Variants in EXOC4 observed in about 807,000 individuals in gnomAD.
The protein encoded by EXOC4 is SEC8-like 1.
EXOC4 carries 71 observed loss-of-function variants against 107.2 expected under a neutral mutation model. The observed-to-expected ratio is 0.66, with a 90% CI of 0.55 to 0.81. EXOC4 has a LOEUF of 0.81. Among genes scored for constraint, EXOC4 ranks in the 30% least tolerant of loss-of-function variants. The pLI, the probability that EXOC4 is intolerant of heterozygous loss-of-function variation, is 0.00. For synonymous variants in EXOC4, 456 were observed against 441.2 expected (o/e 1.03, Z -0.42); for missense variants, 1,108 against 1,189.6 (o/e 0.93, Z 1.01).
chr7:134,100,109 T>C, the EXOC4 span, among the ~76,000 whole-genome samples: 1 of 152,166 alleles, frequency 6.6e-6, no homozygotes, highest in Non-Finnish European at 1.5e-5. Flanking sequence ...TTTTTCTTGC[T>C]GATATGTCTT....
intron 10 of EXOC4, among the ~76,000 whole-genome samples, chr7:133,671,159 G>A (rs1023922272): frequency 6.6e-6 from 1 of 152,202 alleles, no homozygotes; most frequent in African/African-American, 2.4e-5. Context: ...GCAAGATTAT[G>A]AAAGGTCATG....
At chr7:134,009,125 A>T (rs1794711295) in intron 17 of EXOC4, among the ~76,000 whole-genome samples, 1 of 152,210 alleles carries the variant, frequency 6.6e-6, no homozygotes, top group Admixed American at 6.5e-5. Flanking sequence ...ATTGCCGTTT[A>T]TACCTGAGTG....
intron 1 of EXOC4, among the ~76,000 whole-genome samples, chr7:133,272,001 A>G (rs917624980): frequency 1.3e-5 from 2 of 149,878 alleles, no homozygotes; most frequent in Non-Finnish European, 2.9e-5. Context: ...ACTTTTTATT[A>G]TGTTATGGAA....
At chr7:133,753,432 A>G (rs1795834931) in intron 10 of EXOC4, among the ~76,000 whole-genome samples, 1 of 152,234 alleles carries the variant, frequency 6.6e-6, no homozygotes, top group Non-Finnish European at 1.5e-5. Context: ...ACAAACATTT[A>G]GGGCTGAGCT....
Position 133,337,473 on chromosome 7 carries a change from A to T in EXOC4, c.764-18857A>T, listed in dbSNP as rs561743250. ...GGTCTTTTTAAGCATTTTTGTCTCT[A>T]GTGAGATGTAATTAACATCTGTATT... On this transcript the variant is annotated intron_variant, in intron 5 of 17. Transcript: ENST00000253861. Among the ~76,000 whole-genome samples the T allele has an allele frequency of 3.9e-5, 6 of 152,074 alleles. No homozygotes were observed. In the South Asian group the frequency reaches 6.2e-4, roughly 16 times the overall value.
At chr7:133,547,080 T>C (rs1211439709) in intron 9 of EXOC4, among the ~76,000 whole-genome samples, 2 of 152,186 alleles carry the variant, frequency 1.3e-5, no homozygotes, top group Admixed American at 6.5e-5. Context: ...AACTTTATTA[T>C]TGTTCAGTTC....
chr7:133,980,286 G>C (rs890532054), intron 14 of EXOC4, among the ~76,000 whole-genome samples: 2 of 152,150 alleles, frequency 1.3e-5, no homozygotes, highest in African/African-American at 4.8e-5. Context: ...GTTTTTCGAG[G>C]AGTGAGAGGA....
chr7:133,452,999 G>A (rs1376127330), intron 7 of EXOC4, among the ~76,000 whole-genome samples: 1 of 151,872 alleles, frequency 6.6e-6, no homozygotes, highest in Admixed American at 6.6e-5. Context: ...CAGTCTGTAA[G>A]TTTTATCATG....
In EXOC4 at chr7:133,510,420, G is replaced by A. The variant is rs538852306; in HGVS notation, c.1417+30282G>A. Among the ~76,000 whole-genome samples the A allele has an allele frequency of 3.3e-5, 5 of 152,238 alleles. No individual in the cohort carries two copies. In the East Asian group the frequency reaches 9.7e-4, roughly 29 times the overall value. On this transcript the variant is annotated intron_variant, in intron 9 of 17. Transcript: ENST00000253861. ...TTTCAGCTATTGTGAATATGCTGCT[G>A]TGAACATTGCTCTTCAAGTCCTTAA... is the stretch of plus-strand genomic sequence containing the variant.
intron 9 of EXOC4, chr7:133,576,922 C>A: frequency 8.2e-7 from 1 of 1,215,272 alleles, no homozygotes; most frequent in South Asian, 1.3e-5. Flanking sequence ...CTTTCCAGAT[C>A]TCTTATTCAC....
intron 7 of EXOC4, among the ~76,000 whole-genome samples, chr7:133,418,357 A>T (rs1797526138): frequency 6.6e-6 from 1 of 152,196 alleles, no homozygotes; most frequent in Non-Finnish European, 1.5e-5. Context: ...CTTTTTGCTT[A>T]CTGAGGTTGT....
At chr7:133,653,812 T>G (rs2151037710) in intron 10 of EXOC4, among the ~76,000 whole-genome samples, 1 of 152,304 alleles carries the variant, frequency 6.6e-6, no homozygotes, top group African/African-American at 2.4e-5. Flanking sequence ...ATATTGAGAA[T>G]GGTGTACTCT....
intron 7 of EXOC4, among the ~76,000 whole-genome samples, chr7:133,448,554 CA>C (rs1429895867): frequency 3.3e-5 from 5 of 152,070 alleles, no homozygotes; most frequent in Non-Finnish European, 7.4e-5. Context: ...GTGATCTTGC[CA>C]CTTCACCCAT....
chr7:133,680,259 T>A (rs1466797912), intron 10 of EXOC4, among the ~76,000 whole-genome samples: 1 of 152,194 alleles, frequency 6.6e-6, no homozygotes, highest in Non-Finnish European at 1.5e-5. Context: ...GGCCTTTTAT[T>A]TTTTTGATCT....
At chr7:133,695,334 A>ATGGC (rs1263520187) in intron 10 of EXOC4, among the ~76,000 whole-genome samples, 1 of 152,144 alleles carries the variant, frequency 6.6e-6, no homozygotes, top group African/African-American at 2.4e-5. Flanking sequence ...TGATATTTCA[A>ATGGC]TGTGTGCATG....
chr7:133,903,308 T>A (rs1049061738), intron 12 of EXOC4, among the ~76,000 whole-genome samples: 2 of 152,176 alleles, frequency 1.3e-5, no homozygotes, highest in African/African-American at 4.8e-5. Context: ...ATTTTAAGTA[T>A]TGAAAATAGG....
intron 10 of EXOC4, among the ~76,000 whole-genome samples, chr7:133,763,814 A>G (rs1418952506): frequency 6.6e-6 from 1 of 152,028 alleles, no homozygotes; most frequent in African/African-American, 2.4e-5. Flanking sequence ...GGAAAGGACT[A>G]CAAAGAAAAT....
intron 7 of EXOC4, among the ~76,000 whole-genome samples, chr7:133,452,783 C>T (rs1798377145): frequency 6.6e-6 from 1 of 151,912 alleles, no homozygotes; most frequent in Admixed American, 6.6e-5. Context: ...GTAAACTACT[C>T]AGCTTTGTGT....
the EXOC4 span, among the ~76,000 whole-genome samples, chr7:134,092,247 A>G: frequency 6.6e-6 from 1 of 152,188 alleles, no homozygotes; most frequent in Non-Finnish European, 1.5e-5. Context: ...TGTACACTTT[A>G]AAAGGGTAAA....
Sources: gnomAD v4.1 joint callset for allele counts (sites outside exome capture counted in the v4.1 genomes callset) on GRCh38, gnomAD v4.1.1 for gene constraint, MANE v1.5 for transcripts, NCBI Gene and HGNC (gene_info 2026-07-23, HGNC 2026-07-21) for gene names.